The following LCORL variants were observed in gnomAD, a reference collection of about 807,000 sequenced individuals.
LCORL encodes the protein ligand dependent nuclear receptor corepressor like.
LCORL carries 41 observed loss-of-function variants against 141.8 expected under a neutral mutation model. That is an observed-to-expected ratio of 0.29 (90% CI 0.23 to 0.38). The LOEUF (loss-of-function observed/expected upper bound fraction) is 0.38. LCORL is among the 10% of genes least tolerant of loss of function. The pLI, the probability that LCORL is intolerant of heterozygous loss-of-function variation, is 1.00. For synonymous variants in LCORL, 618 were observed against 694.1 expected (o/e 0.89, Z 1.72); for missense variants, 1,759 against 2,035.0 (o/e 0.86, Z 2.61).
chr4:17,986,453 C>A lies in LCORL; in HGVS notation c.155-13568G>T, dbSNP rs1718993572. ...TATTTGTTGGAGACTTTGTTCATTC[C>A]TTTTCATTCTGTTTTCTTTATTTTG... On this transcript the variant is annotated intron_variant, in intron 1 of 7. Coordinates refer to ENST00000635767, the Ensembl canonical transcript of LCORL. Among the ~76,000 whole-genome samples, 3 of 152,106 alleles carry A rather than the reference C, an allele frequency of 2.0e-5. No homozygotes were observed. The South Asian group carries it at 6.2e-4, about 32-fold the overall frequency.
In LCORL at chr4:17,884,649, T is replaced by C. The variant is rs1432994867; in HGVS notation, c.776+1419A>G. ...CCATAAAGTATGCCTGCTTTATTTA[T>C]GTCCAGTGCTCCAGACTGAATGTCT... is the stretch of plus-strand genomic sequence containing the variant. On this transcript the variant is annotated intron_variant, in intron 6 of 7. Transcript: ENST00000635767. The surrounding 1 kb of genome is among the most constrained non-coding windows in gnomAD (Gnocchi z 4.4). The C allele has an allele frequency of 6.5e-7, 1 of 1,546,992 alleles. No homozygotes were observed. Among genetic ancestry groups the C allele is most frequent in the South Asian group, 1.2e-5 (1 of 83,552 alleles).
In LCORL at chr4:18,021,692, G is replaced by GGCGGCGGCGGCGGCGGCAGCA. The variant is rs1725623000; in HGVS notation, c.59_60insTGCTGCCGCCGCCGCCGCCGC (p.Ala16_Ala22dup). The GGCGGCGGCGGCGGCGGCAGCA allele has an allele frequency of 6.5e-7, 1 of 1,531,260 alleles. No homozygotes were observed. The highest frequency in any genetic ancestry group is 1.4e-5 in the African/African-American group (1 of 70,998). The allele number at this position is 1,531,260 out of a possible 1,614,324, so 94.9% of individuals were successfully genotyped here. ...ACCGAGGGCTCCGGCACTGAGCGGCGGCGGCGGCGGCGGCAGCAGCGGCGG... is the reference window on the plus strand; with the variant it reads ...ACCGAGGGCTCCGGCACTGAGCGGCGGCGGCGGCGGCGGCGGCAGCAGCGGCGGCGGCGGCAGCAGCGGCGG... On this transcript the variant is annotated inframe_insertion, in exon 1 of 8. Coordinates refer to ENST00000635767, the Ensembl canonical transcript of LCORL. The surrounding 1 kb of genome is among the most constrained non-coding windows in gnomAD (Gnocchi z 5.5).
intron 4 of LCORL, among the ~76,000 whole-genome samples, chr4:17,916,108 G>T (rs1375636019): frequency 6.6e-6 from 1 of 152,198 alleles, no homozygotes; most frequent in African/African-American, 2.4e-5. Context: ...AAACTCACCA[G>T]ATGATGGCAC....
chr4:17,881,343 G>A (rs1196507858), intron 6 of LCORL: 1 of 981,412 alleles, frequency 1.0e-6, no homozygotes. Context: ...CATCTTAATA[G>A]AATCACTGGG....
At chr4:17,968,442 TA>T (rs1283964691) in intron 2 of LCORL, among the ~76,000 whole-genome samples, 62 of 152,346 alleles carry the variant, frequency 4.1e-4, no homozygotes, top group African/African-American at 1.4e-3. Context: ...TCCTTATTGC[TA>T]ATCACAGCAT....
chr4:17,876,155 A>G, exon 7 of LCORL: 3 of 1,230,996 alleles, frequency 2.4e-6, no homozygotes, highest in Non-Finnish European at 3.0e-6. Flanking sequence ...CAGTACCTTC[A>G]TATTTTGCTG....
At chr4:17,874,965 T>C (rs766703205) in exon 7 of LCORL, 4 of 1,233,852 alleles carry the variant, frequency 3.2e-6, no homozygotes, top group Non-Finnish European at 4.0e-6. Flanking sequence ...TGCTAATGAA[T>C]GTAAGAAATG....
chr4:18,008,868 A>G (rs1723222783), intron 1 of LCORL, among the ~76,000 whole-genome samples: 1 of 152,160 alleles, frequency 6.6e-6, no homozygotes, highest in South Asian at 2.1e-4. Context: ...AAATACTTTT[A>G]TGTTTTAACA....
intron 5 of LCORL, among the ~76,000 whole-genome samples, chr4:17,898,652 G>GTTTTTTTTTTTTT (rs34770223): frequency 4.2e-5 from 5 of 119,262 alleles, no homozygotes; most frequent in African/African-American, 9.3e-5. Context: ...CATTCTCACC[G>GTTTTTTTTTTTTT]TTTTTTTTTT....
intron 1 of LCORL, among the ~76,000 whole-genome samples, chr4:18,018,926 G>A (rs1436964151): frequency 6.6e-6 from 1 of 152,098 alleles, no homozygotes; most frequent in African/African-American, 2.4e-5. Context: ...CATGCAAAGG[G>A]AAAATAATAT....
At chr4:17,995,154 T>C (rs1432893621) in intron 1 of LCORL, among the ~76,000 whole-genome samples, 1 of 152,072 alleles carries the variant, frequency 6.6e-6, no homozygotes, top group East Asian at 1.9e-4. Flanking sequence ...CTTTGTTTAG[T>C]GCTTTTTCAA....
chr4:17,842,346 G>A, exon 8 of LCORL: 6 of 1,612,280 alleles, frequency 3.7e-6, no homozygotes, highest in Non-Finnish European at 5.1e-6. Context: ...AGGACGAACA[G>A]GAGGTGTCAG....
chr4:17,873,485 T>G, exon 7 of LCORL: 1 of 1,233,858 alleles, frequency 8.1e-7, no homozygotes. Flanking sequence ...ATGGTGGTCT[T>G]TTTCTTTTGT....
intron 4 of LCORL, among the ~76,000 whole-genome samples, chr4:17,934,705 C>A (rs1480049718): frequency 6.6e-6 from 1 of 152,132 alleles, no homozygotes; most frequent in Non-Finnish European, 1.5e-5. Flanking sequence ...TATGGAGCAA[C>A]AGTAATTCTA....
At chr4:17,952,793 T>G (rs548607097) in intron 4 of LCORL, among the ~76,000 whole-genome samples, 13 of 152,142 alleles carry the variant, frequency 8.5e-5, no homozygotes, top group Non-Finnish European at 1.5e-4. Flanking sequence ...ACTCATGTCA[T>G]GGGGGTTTGG....
intron 4 of LCORL, among the ~76,000 whole-genome samples, chr4:17,914,139 T>C (rs545189527): frequency 1.2e-4 from 18 of 152,342 alleles, no homozygotes; most frequent in African/African-American, 3.8e-4. Context: ...AATATCCATG[T>C]TGCAGAAAGG....
chr4:17,982,837 C>T (rs1437348330), intron 1 of LCORL, among the ~76,000 whole-genome samples: 2 of 152,128 alleles, frequency 1.3e-5, no homozygotes, highest in East Asian at 3.9e-4. Flanking sequence ...GTAATCTTTG[C>T]CCGTGCCTAT....
intron 1 of LCORL, among the ~76,000 whole-genome samples, chr4:17,975,244 T>C (rs909304337): frequency 4.6e-5 from 7 of 152,242 alleles, no homozygotes; most frequent in African/African-American, 1.7e-4. Flanking sequence ...ACAATAGCTC[T>C]ATCCCATAAA....
chr4:17,965,582 C>A (rs1167111055), intron 2 of LCORL, among the ~76,000 whole-genome samples: 1 of 152,092 alleles, frequency 6.6e-6, no homozygotes, highest in Non-Finnish European at 1.5e-5. Flanking sequence ...CAAACATCAA[C>A]CTTTCCACCA....
Sources: gnomAD v4.1 joint callset for allele counts (sites outside exome capture counted in the v4.1 genomes callset) on GRCh38, gnomAD v4.1.1 for gene constraint, Gnocchi (gnomAD v3.1) non-coding constraint, MANE v1.5 for transcripts, NCBI Gene and HGNC (gene_info 2026-07-23, HGNC 2026-07-21) for gene names.